The following STK3 variants were observed in gnomAD, a reference collection of about 807,000 sequenced individuals.
STK3 encodes serine/threonine-protein kinase 3.
In STK3, 41 loss-of-function variants were observed where a neutral mutation model predicts 58.0. That is an observed-to-expected ratio of 0.71 (90% CI 0.55 to 0.92). The LOEUF (loss-of-function observed/expected upper bound fraction) is 0.92. STK3 is among the 40% of genes least tolerant of loss of function. STK3 has a pLI of 0.00. For missense variants in STK3, 479 were observed against 602.7 expected (o/e 0.79, Z 2.15); for synonymous variants, 170 against 191.0 (o/e 0.89, Z 0.91).
At chr8:98,655,090 C>G (rs1327413544) in intron 6 of STK3, among the ~76,000 whole-genome samples, 1 of 151,802 alleles carries the variant, frequency 6.6e-6, no homozygotes, top group Non-Finnish European at 1.5e-5. Context: ...AACTATACTA[C>G]AAGGCTACAG....
chr8:98,646,453 T>C (rs1820401473), intron 6 of STK3, among the ~76,000 whole-genome samples: 1 of 152,220 alleles, frequency 6.6e-6, no homozygotes, highest in South Asian at 2.1e-4. Flanking sequence ...TATTTAATTG[T>C]AGTAACTCTA....
intron 10 of STK3, among the ~76,000 whole-genome samples, chr8:98,506,911 C>A (rs958428059): frequency 6.6e-6 from 1 of 152,062 alleles, no homozygotes; most frequent in African/African-American, 2.4e-5. Context: ...AGGTTTAGCC[C>A]CGTTAAGATT....
chr8:98,550,966 C>T (rs1811120078), intron 8 of STK3, among the ~76,000 whole-genome samples: 1 of 152,164 alleles, frequency 6.6e-6, no homozygotes, highest in African/African-American at 2.4e-5. Context: ...CTAAACATTT[C>T]TGCCTAAATT....
chr8:98,669,209 C>T (rs967484850), intron 6 of STK3, among the ~76,000 whole-genome samples: 3 of 152,054 alleles, frequency 2.0e-5, no homozygotes, highest in Admixed American at 1.3e-4. Flanking sequence ...ATTGATCAGG[C>T]TGGTCTCGAA....
chr8:98,491,201 C>CAG (rs1175906962), intron 10 of STK3, among the ~76,000 whole-genome samples: 4 of 105,348 alleles, frequency 3.8e-5, no homozygotes, highest in Non-Finnish European at 8.1e-5. Context: ...GAGAGAGAGA[C>CAG]AGAGAGAGAG....
At chr8:98,941,064 C>T (rs939500511) in intron 1 of STK3, among the ~76,000 whole-genome samples, 10 of 152,164 alleles carry the variant, frequency 6.6e-5, no homozygotes, top group Non-Finnish European at 1.5e-5. Flanking sequence ...CAGCGGAGCC[C>T]ACCACCGGTG....
chr8:98,633,464 A>G, intron 6 of STK3: 1 of 583,462 alleles, frequency 1.7e-6, no homozygotes, highest in South Asian at 2.0e-5. Flanking sequence ...ATCAGTTGGT[A>G]CTGATCCAGA....
At chr8:98,499,219 T>C (rs1441119517) in intron 10 of STK3, among the ~76,000 whole-genome samples, 2 of 152,208 alleles carry the variant, frequency 1.3e-5, no homozygotes, top group African/African-American at 4.8e-5. Flanking sequence ...AGATTCTCCC[T>C]TAACAGTCTC....
At chr8:98,693,571 T>TC (rs1824582997) in intron 6 of STK3, among the ~76,000 whole-genome samples, 1 of 151,918 alleles carries the variant, frequency 6.6e-6, no homozygotes, top group African/African-American at 2.4e-5. Flanking sequence ...GGGAGTACAG[T>TC]CCTGCCAACA....
At chr8:98,525,841 T>C (rs1227843916) in intron 10 of STK3, among the ~76,000 whole-genome samples, 4 of 151,978 alleles carry the variant, frequency 2.6e-5, no homozygotes, top group African/African-American at 9.6e-5. Context: ...TAGAGTCATG[T>C]TGTCTAAGCA....
chr8:98,912,485 C>A (rs1412454905), intron 1 of STK3, among the ~76,000 whole-genome samples: 1 of 152,050 alleles, frequency 6.6e-6, no homozygotes, highest in Non-Finnish European at 1.5e-5. Context: ...TTACATTTTG[C>A]CCCAAATTAA....
At chr8:98,768,351 G>A (rs1831074497) in intron 2 of STK3, among the ~76,000 whole-genome samples, 1 of 152,090 alleles carries the variant, frequency 6.6e-6, no homozygotes, top group Non-Finnish European at 1.5e-5. Context: ...GGAAAACATC[G>A]AATGTTTCCT....
intron 3 of STK3, among the ~76,000 whole-genome samples, chr8:98,872,554 C>T (rs780090759): frequency 6.6e-5 from 10 of 152,088 alleles, no homozygotes; most frequent in Non-Finnish European, 8.8e-5. Context: ...AACTTCTTCC[C>T]AGTTTAGTCT....
chr8:98,844,617 C>T (rs1836127120), intron 3 of STK3, among the ~76,000 whole-genome samples: 1 of 152,092 alleles, frequency 6.6e-6, no homozygotes, highest in Admixed American at 6.6e-5. Flanking sequence ...AGGCCCGCAC[C>T]ATCATGCTCA....
intron 6 of STK3, among the ~76,000 whole-genome samples, chr8:98,650,895 T>G (rs1820858526): frequency 6.6e-6 from 1 of 152,238 alleles, no homozygotes. Flanking sequence ...CTCTGTAGGC[T>G]GCACCTCTGG....
intron 3 of STK3, among the ~76,000 whole-genome samples, chr8:98,750,155 C>T (rs1261732345): frequency 1.3e-5 from 2 of 151,980 alleles, no homozygotes; most frequent in Non-Finnish European, 2.9e-5. Flanking sequence ...GCTACAAGAG[C>T]TCAAATGAGG....
chr8:98,445,797 A>C (rs1294305245), intron 1 of STK3, among the ~76,000 whole-genome samples: 1 of 152,072 alleles, frequency 6.6e-6, no homozygotes, highest in African/African-American at 2.4e-5. Flanking sequence ...TTTCCCCAAC[A>C]CCTAACCTCA....
At chr8:98,393,374 G>A (rs1215523335) in intron 3 of STK3, among the ~76,000 whole-genome samples, 1 of 152,150 alleles carries the variant, frequency 6.6e-6, no homozygotes, top group East Asian at 1.9e-4. Flanking sequence ...GAAGGGTACA[G>A]ATATGGCAAT....
chr8:98,449,175 T>C (rs368617800), intron 1 of STK3, among the ~76,000 whole-genome samples: 4 of 152,286 alleles, frequency 2.6e-5, no homozygotes, highest in South Asian at 4.1e-4. Flanking sequence ...AGAGTTCCCT[T>C]TCCTCCTGGA....
Sources: gnomAD v4.1 joint callset for allele counts (sites outside exome capture counted in the v4.1 genomes callset) on GRCh38, gnomAD v4.1.1 for gene constraint, MANE v1.5 for transcripts, NCBI Gene and HGNC (gene_info 2026-07-23, HGNC 2026-07-21) for gene names.